Variants in RABGEF1 observed in about 807,000 individuals in gnomAD.
RABGEF1 encodes RAB guanine nucleotide exchange factor 1.
In RABGEF1, 26 loss-of-function variants were observed where a neutral mutation model predicts 57.3. The ratio of observed to expected loss-of-function variants is 0.45; its 90% CI spans 0.33 to 0.63. The LOEUF (loss-of-function observed/expected upper bound fraction) is 0.63. RABGEF1 is among the 20% of genes least tolerant of loss of function. The pLI is 0.02. For missense variants in RABGEF1, 464 were observed against 607.6 expected (o/e 0.76, Z 2.48); for synonymous variants, 185 against 210.7 (o/e 0.88, Z 1.06).
intron 1 of RABGEF1, among the ~76,000 whole-genome samples, chr7:66,751,077 C>CGGGA (rs2129061493): frequency 6.7e-6 from 1 of 148,196 alleles, no homozygotes; most frequent in African/African-American, 2.5e-5. Flanking sequence ...GTCGCCTAGG[C>CGGGA]GGGAGTGCAG....
chr7:66,693,964 C>T (rs1033140276), intron 1 of RABGEF1, among the ~76,000 whole-genome samples: 4 of 152,190 alleles, frequency 2.6e-5, no homozygotes, highest in Admixed American at 6.5e-5. Flanking sequence ...CGTTCCACTA[C>T]GTTTGGTTAA....
chr7:66,747,146 C>T (rs1407682089), intron 1 of RABGEF1, among the ~76,000 whole-genome samples: 1 of 152,022 alleles, frequency 6.6e-6, no homozygotes, highest in Non-Finnish European at 1.5e-5. Flanking sequence ...TGGCAATGGT[C>T]ATTAAGAGGG....
chr7:66,667,753 G>T, the RABGEF1 span: 9 of 152,200 alleles, frequency 5.9e-5, no homozygotes, highest in African/African-American at 2.2e-4. Context: ...ATGCTCCCAC[G>T]TCCCCAAGAA....
upstream of RABGEF1, among the ~76,000 whole-genome samples, chr7:66,681,716 A>T (rs1406111595): frequency 6.6e-6 from 1 of 152,208 alleles, no homozygotes; most frequent in African/African-American, 2.4e-5. Flanking sequence ...CTTTAACTCG[A>T]ACACCTGTCA....
At chr7:66,703,528 G>A (rs546759827) in intron 1 of RABGEF1, among the ~76,000 whole-genome samples, 4 of 152,298 alleles carry the variant, frequency 2.6e-5, no homozygotes, top group African/African-American at 9.6e-5. Context: ...ACATCCAGTT[G>A]TCTCAGCACC....
At chr7:66,787,509 A>G (rs1811503504) in intron 4 of RABGEF1, among the ~76,000 whole-genome samples, 1 of 151,414 alleles carries the variant, frequency 6.6e-6, no homozygotes, top group Non-Finnish European at 1.5e-5. Flanking sequence ...ATGCCGAGCT[A>G]ATTTTTTGTA....
chr7:66,674,168 A>G, the RABGEF1 span, among the ~76,000 whole-genome samples: 1 of 150,060 alleles, frequency 6.7e-6, no homozygotes, highest in Non-Finnish European at 1.5e-5. Flanking sequence ...CTCGGAAGAA[A>G]TTTGTGCTTG....
chr7:66,744,908 A>G (rs1242452349), intron 1 of RABGEF1, among the ~76,000 whole-genome samples: 1 of 151,760 alleles, frequency 6.6e-6, no homozygotes, highest in Non-Finnish European at 1.5e-5. Context: ...AAAAAATGTT[A>G]TCAGCCGCAC....
chr7:66,732,277 C>G lies in RABGEF1; in HGVS notation c.-814-7719C>G, dbSNP rs972118161. 2.0e-5 allele frequency among the ~76,000 whole-genome samples: 3 copies of G among 152,290 alleles called. No individual in the cohort carries two copies. The South Asian group carries it at 6.2e-4, about 32-fold the overall frequency. ...TGAGCAGGCAGCTGGCGTCTGGACA[C>G]GGAGCCTCATTGAGCAGGGGGTGCG... On this transcript the variant is annotated intron_variant and NMD_transcript_variant, in intron 2 of 9. Coordinates refer to the RABGEF1 transcript ENST00000607882.
At chr7:66,737,969 G>A (rs1037804959), upstream of RABGEF1, among the ~76,000 whole-genome samples, 4 of 151,552 alleles carry the variant, frequency 2.6e-5, no homozygotes, top group Non-Finnish European at 4.4e-5. Flanking sequence ...TCATGAGGCC[G>A]CTCCGGTCTA....
At chr7:66,755,985 A>G (rs1802613960) in intron 1 of RABGEF1, 10 of 1,210,154 alleles carry the variant, frequency 8.3e-6, no homozygotes, top group Non-Finnish European at 1.0e-5. Context: ...GAAGCATTAT[A>G]TTTAATCATA....
In RABGEF1 at chr7:66,745,471, G is replaced by C. The variant is rs141524259; in HGVS notation, c.-18+4679G>C. On this transcript the variant is annotated intron_variant, in intron 1 of 8. Transcript: ENST00000284957. ...AGTGGCTTCTTAGCCCATCAGTAAA[G>C]TTATCACACCATAGGCTGGGTGCGG... is the stretch of plus-strand genomic sequence containing the variant. Among the ~76,000 whole-genome samples the C allele has an allele frequency of 4.9e-4, 74 of 151,926 alleles. 1 individual carries two copies. The highest frequency in any genetic ancestry group is 1.6e-3 in the African/African-American group (68 of 41,370).
chr7:66,800,041 C>T (rs3823609), intron 7 of RABGEF1, among the ~76,000 whole-genome samples: 17,841 of 152,094 alleles, frequency 0.12, 1,238 homozygotes, highest in East Asian at 0.2. Context: ...AAAAAAAAAT[C>T]TTAATGGAGA....
At chr7:66,781,977 G>A (rs1419205411) in intron 3 of RABGEF1, among the ~76,000 whole-genome samples, 1 of 152,146 alleles carries the variant, frequency 6.6e-6, no homozygotes, top group Non-Finnish European at 1.5e-5. Flanking sequence ...AAAACCTTTT[G>A]TTCATATTTT....
At chr7:66,747,760 A>G (rs1800579519) in intron 1 of RABGEF1, among the ~76,000 whole-genome samples, 1 of 152,194 alleles carries the variant, frequency 6.6e-6, no homozygotes, top group African/African-American at 2.4e-5. Flanking sequence ...TGAACATAGA[A>G]AATGTTTATT....
intron 3 of RABGEF1, among the ~76,000 whole-genome samples, chr7:66,779,594 C>T (rs1331121442): frequency 2.6e-5 from 4 of 151,492 alleles, no homozygotes; most frequent in African/African-American, 7.3e-5. Flanking sequence ...ATCATTTGTG[C>T]CTGGGAGGTT....
chr7:66,701,136 G>A (rs953168741), intron 1 of RABGEF1, among the ~76,000 whole-genome samples: 1 of 152,156 alleles, frequency 6.6e-6, no homozygotes, highest in African/African-American at 2.4e-5. Flanking sequence ...AAGAAGGACT[G>A]GAGGGGTAGA....
At chr7:66,731,693 G>T (rs898041364) in intron 2 of RABGEF1, among the ~76,000 whole-genome samples, 2 of 152,152 alleles carry the variant, frequency 1.3e-5, no homozygotes, top group African/African-American at 2.4e-5. Flanking sequence ...CTCCAGCCTG[G>T]GTGACAGAGA....
chr7:66,775,791 TGA>T (rs1265399005), intron 3 of RABGEF1, among the ~76,000 whole-genome samples: 2 of 152,178 alleles, frequency 1.3e-5, no homozygotes, highest in African/African-American at 4.8e-5. Context: ...GATAGTCATC[TGA>T]GAGAGAGATT....
Sources: gnomAD v4.1 joint callset for allele counts (sites outside exome capture counted in the v4.1 genomes callset) on GRCh38, gnomAD v4.1.1 for gene constraint, MANE v1.5 for transcripts, NCBI Gene and HGNC (gene_info 2026-07-23, HGNC 2026-07-21) for gene names.